The following ITIH2 variants were observed in gnomAD, a reference collection of about 807,000 sequenced individuals.
ITIH2 encodes inter-alpha-trypsin inhibitor heavy chain 2.
In ITIH2, 103 loss-of-function variants were observed where a neutral mutation model predicts 104.4. That is an observed-to-expected ratio of 0.99 (90% CI 0.84 to 1.16). The LOEUF (loss-of-function observed/expected upper bound fraction) is 1.16, where lower values mean the gene tolerates loss of function less well. Among genes scored for constraint, ITIH2 ranks in the 50% most tolerant of loss-of-function variants. ITIH2 has a pLI of 0.00. For missense variants in ITIH2, 1,108 were observed against 1,162.4 expected (o/e 0.95, Z 0.68); for synonymous variants, 436 against 435.4 (o/e 1.00, Z -0.02).
intron 6 of ITIH2, among the ~76,000 whole-genome samples, chr10:7,719,105 G>A (rs1447208974): frequency 1.3e-5 from 2 of 152,192 alleles, no homozygotes; most frequent in Admixed American, 6.5e-5. Flanking sequence ...CAGACAGGTT[G>A]TGAATTGCCC....
intron 18 of ITIH2, 63 bp downstream of exon 18, chr10:7,744,343 G>A: frequency 7.6e-7 from 1 of 1,315,150 alleles, no homozygotes; most frequent in Non-Finnish European, 1.1e-6. Context: ...AATAAATCCA[G>A]GCATCAGTGA....
intron 16 of ITIH2, 120 bp downstream of exon 16, chr10:7,738,878 C>T: frequency 1.1e-6 from 1 of 914,530 alleles, no homozygotes; most frequent in Non-Finnish European, 1.6e-6. Flanking sequence ...TTTGGGAGGC[C>T]AAGGCAGGCA....
chr10:7,708,590 C>G (rs145803921), intron 3 of ITIH2, among the ~76,000 whole-genome samples: 4 of 152,240 alleles, frequency 2.6e-5, no homozygotes, highest in African/African-American at 9.6e-5. Flanking sequence ...CACCCCACAG[C>G]ACCCCTGTGT....
rs1834926605 is a variant in ITIH2, at chr10:7,723,551, G to C, written c.968G>C (p.Gly323Ala). Residue 323 changes from glycine to alanine, a missense_variant, in exon 9 of 21, where the codon GGA (glycine) becomes GCA (alanine). Gly to Ala is a moderately conservative substitution (Grantham distance 60, BLOSUM62 0). Coordinates refer to ENST00000358415, the MANE Select transcript of ITIH2 (RefSeq NM_002216.3). ...ATCGATGTGAGTGGCTCCATGTGGGGAGTTAAAATGAAACAAGTAAGTACC... is the reference window on the plus strand; with the variant it reads ...ATCGATGTGAGTGGCTCCATGTGGGCAGTTAAAATGAAACAAGTAAGTACC... ...FVIDVSGSMW[G>A]VKMKQTVEAM... The C allele has an allele frequency of 1.2e-6, 2 of 1,609,972 alleles. No individual in the cohort carries two copies. Among genetic ancestry groups the C allele is most frequent in the African/African-American group, 1.3e-5 (1 of 74,932 alleles).
At position 7,735,038 on chromosome 10, in the gene ITIH2, G is replaced by T. The variant is rs201771256; in HGVS notation, c.1904G>T (p.Gly635Val). Reference sequence around the variant, plus strand: ...TCGCTGGTGATCGAGAACGAGGCTGGGGATGAGCGCATGCTGGCGGATGCC... The same window carrying T: ...TCGCTGGTGATCGAGAACGAGGCTGTGGATGAGCGCATGCTGGCGGATGCC... ...LTSLVIENEA[G>V]DERMLADAPP... Residue 635 changes from glycine (G) to valine (V), a missense_variant, in exon 15 of 21, where the codon GGG (glycine) becomes GTG (valine). Gly to Val is a moderately radical substitution (Grantham distance 109). Coordinates refer to ENST00000358415, the MANE Select transcript of ITIH2 (RefSeq NM_002216.3). 2 of 1,613,222 alleles carry T rather than the reference G, an allele frequency of 1.2e-6. No individual in the cohort carries two copies. The highest frequency in any genetic ancestry group is 2.2e-5 in the South Asian group (2 of 91,082).
intron 14 of ITIH2, among the ~76,000 whole-genome samples, chr10:7,733,759 AGC>A (rs762002098): frequency 6.6e-6 from 1 of 152,104 alleles, no homozygotes; most frequent in Non-Finnish European, 1.5e-5. Context: ...CCCATTCCCA[AGC>A]CTCATTCTGT....
chr10:7,710,406 G>C (rs1475787529), intron 4 of ITIH2, among the ~76,000 whole-genome samples: 1 of 152,168 alleles, frequency 6.6e-6, no homozygotes, highest in East Asian at 1.9e-4. Flanking sequence ...GTTCCTCTAA[G>C]TGATTGGAAT....
At chr10:7,729,789 T>G in intron 11 of ITIH2, 163 bp from the exon 12 acceptor site, 1 of 529,316 alleles carries the variant, frequency 1.9e-6, no homozygotes, top group African/African-American at 1.9e-5. Flanking sequence ...TTTCAACATG[T>G]ACGAGTGCAT....
chr10:7,709,630 T>C (rs1834777846), intron 4 of ITIH2, among the ~76,000 whole-genome samples: 1 of 152,160 alleles, frequency 6.6e-6, no homozygotes, highest in Admixed American at 6.5e-5. Flanking sequence ...ACCTCCTCTA[T>C]AACACCGCTG....
intron 16 of ITIH2, among the ~76,000 whole-genome samples, chr10:7,742,574 C>G (rs937292622): frequency 1.3e-5 from 2 of 152,068 alleles, no homozygotes; most frequent in Non-Finnish European, 2.9e-5. Context: ...GACCCCCCAT[C>G]TCTACAAAAA....
At chr10:7,732,704 A>G (rs922817888) in intron 14 of ITIH2, among the ~76,000 whole-genome samples, 2 of 151,996 alleles carry the variant, frequency 1.3e-5, no homozygotes, top group Non-Finnish European at 2.9e-5. Context: ...AAATGCATTA[A>G]TTTTTTAATT....
chr10:7,709,193 T>C lies in ITIH2; in HGVS notation c.362+2T>C, dbSNP rs1484522125. 6.2e-7 allele frequency: 1 copy of C among 1,613,818 alleles called. No homozygotes were observed. The highest frequency in any genetic ancestry group is 8.5e-7 in the Non-Finnish European group (1 of 1,179,690). On this transcript the variant is annotated splice_donor_variant, in intron 4 of 20. Coordinates refer to ENST00000358415, the MANE Select transcript of ITIH2 (RefSeq NM_002216.3). LOFTEE classifies it high-confidence loss of function. The stretch of plus-strand genomic sequence containing the variant: ...AGCATTCATTTCCAACTTCTCCATG[T>C]GAGTAACTTCTGTGTAGAGCCAGAA...
Position 7,731,117 on chromosome 10 carries a change from CA to C in ITIH2, c.1462-693del, listed in dbSNP as rs201941244. Among the ~76,000 whole-genome samples the C allele has an allele frequency of 4.8e-3, 732 of 152,168 alleles. 16 individuals carry two copies. Among genetic ancestry groups the C allele is most frequent in the African/African-American group, 0.016 (677 of 41,524 alleles). ...TATTTTTAGAAGAGACAGGGTTTAC[CA>C]TGTTGGCGAGGCTGGTCTCAAACTC... On this transcript the variant is annotated intron_variant, in intron 12 of 20. Transcript: ENST00000358415.
intron 11 of ITIH2, 112 bp from the exon 12 acceptor site, chr10:7,729,840 G>C (rs1564303295): frequency 1.7e-6 from 1 of 601,566 alleles, no homozygotes; most frequent in Non-Finnish European, 2.8e-6. Context: ...GGTCAAAAGG[G>C]AAATGCAGTT....
At position 7,738,635 on chromosome 10, in the gene ITIH2, G is replaced by C. The variant is rs769353040; in HGVS notation, c.1972G>C (p.Gly658Arg). The change falls in exon 16 of 21, where the codon GGC (glycine) becomes CGC (arginine). Residue 658 changes from glycine (G) to arginine (R), a missense_variant. Coordinates refer to ENST00000358415, the MANE Select transcript of ITIH2 (RefSeq NM_002216.3). ...TGTCTACGCAGGGGCCCTGTATTAC[G>C]GCAGCAAAGTGGTTCCAGATTCCAC... ...PSCCSGALYY[G>R]SKVVPDSTPS... is the part of the protein sequence containing the mutation. 16 of 1,613,826 alleles carry C rather than the reference G, an allele frequency of 9.9e-6. No homozygotes were observed. The highest frequency in any genetic ancestry group is 1.3e-5 in the African/African-American group (1 of 74,996).
intron 16 of ITIH2, 105 bp from the exon 17 acceptor site, chr10:7,743,041 T>G (rs1835141774): frequency 9.0e-6 from 6 of 666,588 alleles, no homozygotes; most frequent in South Asian, 6.2e-5. Context: ...AGAAGCACAA[T>G]AAATATTTGT....
chr10:7,743,553 C>A (rs940413441), intron 17 of ITIH2, among the ~76,000 whole-genome samples: 1 of 151,988 alleles, frequency 6.6e-6, no homozygotes, highest in Non-Finnish European at 1.5e-5. Context: ...GTGGGCGGAT[C>A]ATCTGAGGTC....
chr10:7,714,272 C>T (rs958679829), intron 5 of ITIH2, among the ~76,000 whole-genome samples: 4 of 149,728 alleles, frequency 2.7e-5, no homozygotes, highest in Non-Finnish European at 4.4e-5. Context: ...CCCGGGTTCA[C>T]GCCATTCTCC....
At chr10:7,733,962 T>C (rs1169288472) in intron 14 of ITIH2, among the ~76,000 whole-genome samples, 1 of 150,440 alleles carries the variant, frequency 6.6e-6, no homozygotes, top group Non-Finnish European at 1.5e-5. Context: ...GCACACTAGA[T>C]GTATTTACAG....
Sources: gnomAD v4.1 joint callset for allele counts (sites outside exome capture counted in the v4.1 genomes callset) on GRCh38, gnomAD v4.1.1 for gene constraint, MANE v1.5 for transcripts, NCBI Gene and HGNC (gene_info 2026-07-23, HGNC 2026-07-21) for gene names.